The following HECW2 variants were observed in gnomAD, a reference collection of about 807,000 sequenced individuals.
The protein encoded by HECW2 is E3 ubiquitin-protein ligase HECW2.
A neutral mutation model predicts 175.2 loss-of-function variants in HECW2; 61 were observed. That is an observed-to-expected ratio of 0.35 (90% CI 0.28 to 0.43). HECW2 has a LOEUF of 0.43. HECW2 is among the 20% of genes least tolerant of loss of function. The pLI, the probability that HECW2 is intolerant of heterozygous loss-of-function variation, is 1.00. For missense variants in HECW2, 1,524 were observed against 2,000.5 expected, an observed-to-expected ratio of 0.76 and a Z score of 4.54; for synonymous variants, 671 against 731.0, an observed-to-expected ratio of 0.92 and a Z score of 1.32.
chr2:196,265,459 C>G (rs1446889026), intron 17 of HECW2, among the ~76,000 whole-genome samples: 2 of 152,108 alleles, frequency 1.3e-5, no homozygotes, highest in Non-Finnish European at 2.9e-5. Context: ...GCACTCCAGC[C>G]TGGGTGACAG....
chr2:196,248,237 T>A (rs1276263734), intron 19 of HECW2, among the ~76,000 whole-genome samples: 1 of 152,198 alleles, frequency 6.6e-6, no homozygotes, highest in African/African-American at 2.4e-5. Context: ...TTGACAGAGA[T>A]CTTGGCAGGG....
intron 1 of HECW2, among the ~76,000 whole-genome samples, chr2:196,580,386 T>C (rs1690729131): frequency 6.6e-6 from 1 of 151,958 alleles, no homozygotes; most frequent in Non-Finnish European, 1.5e-5. Context: ...ATCAATAAAG[T>C]GAAAAAACAA....
At position 196,254,175 on chromosome 2, in the gene HECW2, G is replaced by C. The variant is rs1688962366; in HGVS notation, c.3420-146C>G. 3 of 1,308,426 alleles carry C rather than the reference G, an allele frequency of 2.3e-6. No homozygotes were observed. In the East Asian group the frequency reaches 8.2e-5, roughly 36 times the overall value. The allele number at this position is 1,308,426 out of a possible 1,614,324, so 81.1% of individuals were successfully genotyped here. A position where few individuals can be genotyped will look rare whatever the true frequency, so the allele number is the denominator to read the frequency against. On this transcript the variant is annotated intron_variant, in intron 18 of 28. Coordinates refer to ENST00000644978, the MANE Select transcript of HECW2 (RefSeq NM_001348768.2). ...CCCCTTTCTCTTGCAGGTAATTCTT[G>C]GTACAAAATGGCTGGCTGTGGTGCT...
intron 1 of HECW2, among the ~76,000 whole-genome samples, chr2:196,503,973 G>T (rs1443582274): frequency 1.3e-5 from 2 of 152,084 alleles, no homozygotes; most frequent in Non-Finnish European, 2.9e-5. Flanking sequence ...CTTGTAATTT[G>T]GGAGCATCCA....
At chr2:196,410,704 A>C (rs1695086569) in intron 2 of HECW2, among the ~76,000 whole-genome samples, 1 of 152,196 alleles carries the variant, frequency 6.6e-6, no homozygotes. Context: ...CACAAAATTC[A>C]ATTGTATATC....
intron 1 of HECW2, among the ~76,000 whole-genome samples, chr2:196,544,962 A>ACATTCT (rs1341063403): frequency 1.3e-5 from 2 of 152,248 alleles, no homozygotes; most frequent in African/African-American, 2.4e-5. Context: ...CATTCTGAGT[A>ACATTCT]GACCCCTCTC....
chr2:196,240,713 AT>A (rs1688417718), intron 20 of HECW2, 151 bp from the exon 21 acceptor site: 2 of 788,194 alleles, frequency 2.5e-6, no homozygotes, highest in Non-Finnish European at 1.8e-6. Context: ...TAAAGTACAC[AT>A]TTGTCTTGAA....
chr2:196,199,803 T>G lies in HECW2; in HGVS notation c.*1474A>C, dbSNP rs1486975246. 6.6e-6 allele frequency: 1 copy of G among 152,130 alleles called. No homozygotes were observed. Among genetic ancestry groups the G allele is most frequent in the Non-Finnish European group, 1.5e-5 (1 of 67,988 alleles). The allele number at this position is 152,130 out of a possible 1,614,324, so 9.4% of individuals were successfully genotyped here. ...ACCTTCTCATAAAATTAAGCAGAAG[T>G]AAGACTAGTGATGTCATGCAGTTTT... On this transcript the variant is annotated 3_prime_UTR_variant, in exon 29 of 29. Transcript: ENST00000644978.
chr2:196,577,190 G>A (rs1690592838), intron 1 of HECW2, among the ~76,000 whole-genome samples: 1 of 152,130 alleles, frequency 6.6e-6, no homozygotes, highest in Non-Finnish European at 1.5e-5. Context: ...TCCACATGCA[G>A]CTGGTTGCAT....
chr2:196,466,230 G>C (rs1696947574), intron 1 of HECW2, among the ~76,000 whole-genome samples: 1 of 152,178 alleles, frequency 6.6e-6, no homozygotes, highest in Non-Finnish European at 1.5e-5. Context: ...TAAAGAGTTG[G>C]AAAGTGGAGG....
intron 7 of HECW2, among the ~76,000 whole-genome samples, chr2:196,321,719 A>G (rs1196412156): frequency 6.6e-6 from 1 of 152,116 alleles, no homozygotes; most frequent in Non-Finnish European, 1.5e-5. Context: ...TTAATTAAGG[A>G]AAATCATCAA....
intron 4 of HECW2, among the ~76,000 whole-genome samples, chr2:196,332,664 T>C (rs1229815236): frequency 6.6e-6 from 1 of 152,174 alleles, no homozygotes; most frequent in Non-Finnish European, 1.5e-5. Flanking sequence ...CTGAAATTGC[T>C]CAAGTCTAAA....
chr2:196,529,436 T>A (rs1688771590), intron 1 of HECW2, among the ~76,000 whole-genome samples: 1 of 152,232 alleles, frequency 6.6e-6, no homozygotes, highest in African/African-American at 2.4e-5. Context: ...ATTCTCTTTG[T>A]GATCTCGGGC....
chr2:196,476,465 C>T (rs1452401484), intron 1 of HECW2, among the ~76,000 whole-genome samples: 2 of 148,238 alleles, frequency 1.3e-5, no homozygotes, highest in Admixed American at 6.7e-5. Flanking sequence ...AAAAGGCAGG[C>T]GACAATGGCA....
chr2:196,317,402 GT>G, intron 9 of HECW2, 33 bp from the exon 10 acceptor site: 1 of 1,480,142 alleles, frequency 6.8e-7, no homozygotes, highest in Non-Finnish European at 9.4e-7. Context: ...ACCAGGTATT[GT>G]TTTCTCTTTC....
intron 7 of HECW2, among the ~76,000 whole-genome samples, chr2:196,321,678 GAA>G: frequency 6.6e-6 from 1 of 152,236 alleles, no homozygotes; most frequent in South Asian, 2.1e-4. Flanking sequence ...GGGATTACAG[GAA>G]TGAGCTGCCG....
chr2:196,569,361 C>A (rs371189902), intron 1 of HECW2, among the ~76,000 whole-genome samples: 9 of 148,848 alleles, frequency 6.0e-5, no homozygotes, highest in Admixed American at 6.0e-4. Context: ...CTAAACTAAA[C>A]TAAACTAAAC....
At chr2:196,487,627 C>T (rs967424559) in intron 1 of HECW2, among the ~76,000 whole-genome samples, 1 of 152,116 alleles carries the variant, frequency 6.6e-6, no homozygotes, top group Non-Finnish European at 1.5e-5. Flanking sequence ...CATCCCACAC[C>T]GAGCAATGCT....
At chr2:196,400,117 G>A (rs1467614757) in intron 2 of HECW2, among the ~76,000 whole-genome samples, 1 of 152,132 alleles carries the variant, frequency 6.6e-6, no homozygotes, top group African/African-American at 2.4e-5. Context: ...TTTCACAAGA[G>A]CTTCTTCATA....
Sources: allele counts gnomAD v4.1 joint callset (sites outside exome capture counted in the v4.1 genomes callset), GRCh38; gene constraint gnomAD v4.1.1; transcripts MANE v1.5; gene names NCBI Gene and HGNC (gene_info 2026-07-23, HGNC 2026-07-21).